The following CDC42BPA variants were observed in gnomAD, a reference collection of about 807,000 sequenced individuals.
CDC42BPA encodes the protein serine/threonine-protein kinase MRCK alpha.
CDC42BPA carries 80 observed loss-of-function variants against 223.5 expected under a neutral mutation model. The observed-to-expected ratio is 0.36, with a 90% CI of 0.30 to 0.43. The LOEUF (loss-of-function observed/expected upper bound fraction) is 0.43. CDC42BPA is among the 20% of genes least tolerant of loss of function. The probability of loss-of-function intolerance (pLI) is 1.00; values close to 1 mark genes in which losing one functional copy is unlikely to be tolerated. For missense variants in CDC42BPA, 1,743 were observed against 2,099.9 expected (o/e 0.83, Z 3.32); for synonymous variants, 694 against 718.6 (o/e 0.97, Z 0.55).
At chr1:227,295,965 AAAG>A (rs1200861109) in intron 1 of CDC42BPA, among the ~76,000 whole-genome samples, 1 of 152,222 alleles carries the variant, frequency 6.6e-6, no homozygotes, top group Non-Finnish European at 1.5e-5. Flanking sequence ...TTTTGTTAAT[AAAG>A]AAGAGCCCTA....
chr1:227,205,948 T>G (rs770815004), intron 3 of CDC42BPA, among the ~76,000 whole-genome samples: 1 of 152,130 alleles, frequency 6.6e-6, no homozygotes, highest in Non-Finnish European at 1.5e-5. Context: ...ACTCCCAGGC[T>G]AAGGTGGGAG....
intron 16 of CDC42BPA, among the ~76,000 whole-genome samples, chr1:227,088,579 T>C (rs565615119): frequency 6.6e-6 from 1 of 152,304 alleles, no homozygotes; most frequent in African/African-American, 2.4e-5. Flanking sequence ...TTTTTGAAAA[T>C]ATTTTAAAAA....
chr1:227,079,139 T>C (rs1173723140), intron 17 of CDC42BPA, among the ~76,000 whole-genome samples: 1 of 152,178 alleles, frequency 6.6e-6, no homozygotes, highest in Non-Finnish European at 1.5e-5. Context: ...TATTTTACTT[T>C]TTCCCTTTGG....
chr1:227,080,855 A>T, intron 17 of CDC42BPA, 38 bp downstream of exon 17: 2 of 1,610,790 alleles, frequency 1.2e-6, no homozygotes, highest in Non-Finnish European at 1.7e-6. Flanking sequence ...CCACATACTC[A>T]CAATCATCCA....
At chr1:227,042,696 C>G (rs939969949) in intron 23 of CDC42BPA, among the ~76,000 whole-genome samples, 28 of 152,004 alleles carry the variant, frequency 1.8e-4, no homozygotes, top group South Asian at 1.2e-3. Flanking sequence ...TGTTTCCTGC[C>G]TCCTGGTCAA....
rs1011447293 is a variant in CDC42BPA at position 227,005,116 on chromosome 1, A to G, written c.4858-5T>C. On this transcript the variant is annotated splice_region_variant and splice_polypyrimidine_tract_variant and intron_variant, in intron 34 of 36. Coordinates refer to ENST00000366766, the MANE Select transcript of CDC42BPA (RefSeq NM_001394014.1). Reference sequence around the variant, plus strand: ...ACTTTCCTGAGGCCGAGGGTTCTATAAACAAAAGCGAGAGAGACATCCTTT... The same window carrying G: ...ACTTTCCTGAGGCCGAGGGTTCTATGAACAAAAGCGAGAGAGACATCCTTT... 1 of 1,594,772 alleles carries G rather than the reference A, an allele frequency of 6.3e-7. No homozygotes were observed. The highest frequency in any genetic ancestry group is 1.3e-5 in the African/African-American group (1 of 74,650).
At chr1:227,240,921 G>A (rs1048874291) in intron 2 of CDC42BPA, among the ~76,000 whole-genome samples, 29 of 151,890 alleles carry the variant, frequency 1.9e-4, no homozygotes, top group African/African-American at 6.5e-4. Context: ...TGCTCTAAAC[G>A]ATAATTTTTT....
At chr1:227,268,088 A>G (rs1471900323) in intron 1 of CDC42BPA, among the ~76,000 whole-genome samples, 4 of 152,218 alleles carry the variant, frequency 2.6e-5, no homozygotes, top group Non-Finnish European at 5.9e-5. Context: ...CATTTTTTTA[A>G]GTTCACCTTA....
chr1:227,043,558 G>A (rs1671817881), intron 23 of CDC42BPA, among the ~76,000 whole-genome samples: 1 of 151,560 alleles, frequency 6.6e-6, no homozygotes. Flanking sequence ...GAAATATTAG[G>A]TGCAACAAAC....
At chr1:227,001,384 C>T (rs1041602382) in intron 35 of CDC42BPA, among the ~76,000 whole-genome samples, 2 of 152,162 alleles carry the variant, frequency 1.3e-5, no homozygotes, top group African/African-American at 4.8e-5. Flanking sequence ...TCAATGAATG[C>T]GTTAAGGGCC....
At chr1:227,057,278 CTG>C (rs1356800983) in intron 21 of CDC42BPA, among the ~76,000 whole-genome samples, 3 of 152,042 alleles carry the variant, frequency 2.0e-5, no homozygotes, top group Non-Finnish European at 2.9e-5. Flanking sequence ...ATCATTCAAA[CTG>C]TAAATGAGGT....
chr1:227,058,041 T>A (rs1434634310), intron 21 of CDC42BPA, among the ~76,000 whole-genome samples: 1 of 152,242 alleles, frequency 6.6e-6, no homozygotes, highest in Non-Finnish European at 1.5e-5. Flanking sequence ...GGTTTTCCCT[T>A]CTAGAGGTTA....
rs184350952 is a variant in CDC42BPA at position 227,202,911 on chromosome 1, C to T, written c.355-3259G>A. Among the ~76,000 whole-genome samples, 114 of 152,204 alleles carry T rather than the reference C, an allele frequency of 7.5e-4. 1 individual carries two copies. The East Asian group carries it at 0.016, about 22-fold the overall frequency. ...CACCATCGCACTCTAACCTGGGCCACAGAGCAAGACTGTCTCTTCAAAAAC... is the reference window on the plus strand; with the variant it reads ...CACCATCGCACTCTAACCTGGGCCATAGAGCAAGACTGTCTCTTCAAAAAC... On this transcript the variant is annotated intron_variant, in intron 3 of 36. Coordinates refer to ENST00000366766, the MANE Select transcript of CDC42BPA (RefSeq NM_001394014.1).
At chr1:227,266,752 T>C (rs1421827540) in intron 1 of CDC42BPA, among the ~76,000 whole-genome samples, 1 of 152,220 alleles carries the variant, frequency 6.6e-6, no homozygotes, top group Non-Finnish European at 1.5e-5. Flanking sequence ...ACATTTTATG[T>C]TTTGCATACC....
intron 5 of CDC42BPA, among the ~76,000 whole-genome samples, chr1:227,162,365 C>T (rs965596827): frequency 2.0e-5 from 3 of 152,158 alleles, no homozygotes; most frequent in Non-Finnish European, 2.9e-5. Context: ...CCCTCCACTA[C>T]CCAGACATAG....
intron 1 of CDC42BPA, among the ~76,000 whole-genome samples, chr1:227,276,355 C>T (rs546753217): frequency 4.6e-5 from 7 of 150,804 alleles, no homozygotes; most frequent in Non-Finnish European, 7.4e-5. Context: ...CCGGCCGCCC[C>T]GTCTGAGAAG....
chr1:227,174,226 C>T (rs758663430), intron 5 of CDC42BPA, among the ~76,000 whole-genome samples: 3 of 152,020 alleles, frequency 2.0e-5, no homozygotes, highest in Admixed American at 6.6e-5. Flanking sequence ...AATAGTTTCA[C>T]AATACTATAA....
intron 2 of CDC42BPA, among the ~76,000 whole-genome samples, chr1:227,228,778 G>A (rs1419342968): frequency 6.6e-6 from 1 of 152,134 alleles, no homozygotes; most frequent in Admixed American, 6.5e-5. Context: ...CTAATGACCA[G>A]TGATGTTGAG....
chr1:227,060,344 T>C (rs1422147127), intron 21 of CDC42BPA, among the ~76,000 whole-genome samples: 1 of 152,204 alleles, frequency 6.6e-6, no homozygotes, highest in Non-Finnish European at 1.5e-5. Context: ...ATATGAACCA[T>C]ATCTACTTCG....
Sources: allele counts gnomAD v4.1 joint callset (sites outside exome capture counted in the v4.1 genomes callset), GRCh38; gene constraint gnomAD v4.1.1; transcripts MANE v1.5; gene names NCBI Gene and HGNC (gene_info 2026-07-23, HGNC 2026-07-21).